The following TMEM11 variants were observed in gnomAD, a reference collection of about 807,000 sequenced individuals.
TMEM11 encodes the protein transmembrane protein 11, mitochondrial.
TMEM11 carries 1 observed loss-of-function variant against 17.0 expected under a neutral mutation model. The observed-to-expected ratio is 0.06, with a 90% CI of 0.02 to 0.28. The LOEUF is 0.28. TMEM11 is among the 10% of genes least tolerant of loss of function. The pLI, the probability that TMEM11 is intolerant of heterozygous loss-of-function variation, is 1.00. For missense variants in TMEM11, 172 were observed against 252.9 expected (o/e 0.68, Z 2.17); for synonymous variants, 122 against 118.1 (o/e 1.03, Z -0.21).
At chr17:21,212,093 G>A (rs1975008829) in intron 1 of TMEM11, among the ~76,000 whole-genome samples, 2 of 152,160 alleles carry the variant, frequency 1.3e-5, no homozygotes, top group South Asian at 4.1e-4. Context: ...AAGAGCTTAG[G>A]GAAGCTGGGC....
chr17:21,206,281 G>A (rs1395973394), intron 1 of TMEM11, among the ~76,000 whole-genome samples: 2 of 152,130 alleles, frequency 1.3e-5, no homozygotes, highest in African/African-American at 2.4e-5. Flanking sequence ...GAGCGCAATG[G>A]CGCTATCTCG....
intron 1 of TMEM11, among the ~76,000 whole-genome samples, chr17:21,200,185 G>A (rs1210656312): frequency 6.6e-6 from 1 of 152,250 alleles, no homozygotes; most frequent in African/African-American, 2.4e-5. Flanking sequence ...CTGCATTTCA[G>A]GCAGTCTTGC....
intron 1 of TMEM11, among the ~76,000 whole-genome samples, chr17:21,212,225 AC>A (rs1371207828): frequency 6.6e-6 from 1 of 152,152 alleles, no homozygotes; most frequent in Admixed American, 6.5e-5. Flanking sequence ...AAACTACAAA[AC>A]CAAATGCCAC....
chr17:21,200,962 T>C (rs1974876691), intron 1 of TMEM11, among the ~76,000 whole-genome samples: 1 of 152,256 alleles, frequency 6.6e-6, no homozygotes, highest in East Asian at 1.9e-4. Context: ...CCTTCAAAGA[T>C]GGGAGCAATT....
At chr17:21,209,324 C>T (rs1363509840) in intron 1 of TMEM11, among the ~76,000 whole-genome samples, 1 of 152,238 alleles carries the variant, frequency 6.6e-6, no homozygotes, top group Non-Finnish European at 1.5e-5. Context: ...CCCTCTGAGC[C>T]AGTTTCCCAT....
chr17:21,205,204 GT>G (rs1974929286), intron 1 of TMEM11, among the ~76,000 whole-genome samples: 1 of 152,152 alleles, frequency 6.6e-6, no homozygotes, highest in African/African-American at 2.4e-5. Flanking sequence ...GTCTGGAGGC[GT>G]CTCCCCAAAA....
intron 1 of TMEM11, among the ~76,000 whole-genome samples, chr17:21,200,868 G>A (rs894044301): frequency 6.6e-6 from 1 of 152,226 alleles, no homozygotes; most frequent in African/African-American, 2.4e-5. Context: ...GCCATTGGCC[G>A]TAATATGGGA....
At chr17:21,213,978 G>C (rs1392400812) in intron 1 of TMEM11, 113 bp downstream of exon 1, 1 of 1,046,916 alleles carries the variant, frequency 9.6e-7, no homozygotes, top group African/African-American at 1.6e-5. Context: ...GGCGAGGGTA[G>C]GGGGAGCGCG....
rs1363931370 is a variant in TMEM11, at chr17:21,201,213, C to A, written c.63-2373G>T. Among the ~76,000 whole-genome samples the A allele has an allele frequency of 3.3e-5, 5 of 152,192 alleles. No homozygotes were observed. The East Asian group carries it at 9.6e-4, about 29-fold the overall frequency. ...TGACTGTGCCCCCAAGCATGGGGAC[C>A]CTAACCCCGCCCCTGGGTGGGAACC... On this transcript the variant is annotated intron_variant, in intron 1 of 1. Coordinates refer to ENST00000317635, the MANE Select transcript of TMEM11 (RefSeq NM_003876.3).
At chr17:21,211,001 A>G in intron 1 of TMEM11, 1 of 1,289,844 alleles carries the variant, frequency 7.8e-7, no homozygotes, top group Non-Finnish European at 1.0e-6. Context: ...CGAGCAGCCC[A>G]AGTAAGACAG....
At chr17:21,202,097 G>A (rs1270968260) in intron 1 of TMEM11, among the ~76,000 whole-genome samples, 1 of 152,218 alleles carries the variant, frequency 6.6e-6, no homozygotes, top group Admixed American at 6.5e-5. Context: ...TGCGGGGAGG[G>A]GCGGGGCCTC....
At chr17:21,210,385 C>T (rs1260133649) in intron 1 of TMEM11, among the ~76,000 whole-genome samples, 1 of 152,182 alleles carries the variant, frequency 6.6e-6, no homozygotes. Flanking sequence ...AGTGGCTAAA[C>T]CCCCACACAC....
chr17:21,211,344 T>G, intron 1 of TMEM11: 1 of 749,660 alleles, frequency 1.3e-6, no homozygotes, highest in Non-Finnish European at 1.9e-6. Context: ...TCTGCAGTGA[T>G]GGAAATGTCC....
In TMEM11 at chr17:21,205,294, C is replaced by T. The variant is rs184509898; in HGVS notation, c.63-6454G>A. Among the ~76,000 whole-genome samples, 720 of 152,204 alleles carry T rather than the reference C, an allele frequency of 4.7e-3. 16 individuals carry two copies. Among genetic ancestry groups the T allele is most frequent in the Middle Eastern group, 0.01 (3 of 292 alleles). On this transcript the variant is annotated intron_variant, in intron 1 of 1. Coordinates refer to ENST00000317635, the MANE Select transcript of TMEM11 (RefSeq NM_003876.3). The stretch of plus-strand genomic sequence containing the variant: ...ATGACAGGAGCGGGGAGAGCAGAAT[C>T]GCACCTCCTCCATTAGTGACATGAA...
rs1974842476 is a variant in TMEM11, at chr17:21,198,354, T to C, written c.549A>G (p.Val183=). Residue 183 remains valine, a synonymous_variant, in exon 2 of 2, where the codon GTA becomes GTG. Coordinates refer to ENST00000317635, the MANE Select transcript of TMEM11 (RefSeq NM_003876.3). This position sits in a 1 kb window ranked among gnomAD's most constrained non-coding sequence, Gnocchi z 6.5. ...TIALAALVYC[V]KKIYELYAV ...CGGCATAGAGTTCGTAAATCTTCTT[T>C]ACACAGTACACCAGGGCGGCCAGTG... The C allele has an allele frequency of 6.2e-7, 1 of 1,614,176 alleles. No individual in the cohort carries two copies. The highest frequency in any genetic ancestry group is 8.5e-7 in the Non-Finnish European group (1 of 1,179,998).
At chr17:21,211,028 G>C (rs1030249459) in intron 1 of TMEM11, 7 of 1,289,844 alleles carry the variant, frequency 5.4e-6, no homozygotes, top group Middle Eastern at 2.1e-4. Flanking sequence ...CTGTCTGTGA[G>C]CTGGTCCGGG....
At chr17:21,211,245 G>C (rs1222528334) in intron 1 of TMEM11, 1 of 1,286,304 alleles carries the variant, frequency 7.8e-7, no homozygotes. Context: ...TAATGGAGTG[G>C]AGAGAAAAAT....
At chr17:21,199,569 T>C (rs932480718) in intron 1 of TMEM11, among the ~76,000 whole-genome samples, 1 of 152,194 alleles carries the variant, frequency 6.6e-6, no homozygotes, top group African/African-American at 2.4e-5. Context: ...GATTCTTCAC[T>C]GGAAACCACA....
At chr17:21,208,995 G>C (rs1974974325) in intron 1 of TMEM11, among the ~76,000 whole-genome samples, 1 of 152,198 alleles carries the variant, frequency 6.6e-6, no homozygotes, top group Admixed American at 6.5e-5. Context: ...ACCCGCTTCT[G>C]CCTAATTAAG....
Sources: gnomAD v4.1 joint callset for allele counts (sites outside exome capture counted in the v4.1 genomes callset) on GRCh38, gnomAD v4.1.1 for gene constraint, Gnocchi (gnomAD v3.1) non-coding constraint, MANE v1.5 for transcripts, NCBI Gene and HGNC (gene_info 2026-07-23, HGNC 2026-07-21) for gene names.